Variants in DOCK1 observed in about 807,000 individuals in gnomAD.
DOCK1 encodes the protein dedicator of cytokinesis 1, also known as dedicator of cytokinesis protein 1.
In DOCK1, 138 loss-of-function variants were observed where a neutral mutation model predicts 262.7. The ratio of observed to expected loss-of-function variants is 0.53; its 90% confidence interval spans 0.46 to 0.61. The LOEUF is 0.61. Among genes scored for constraint, DOCK1 ranks in the 20% least tolerant of loss-of-function variants. The pLI is 0.00. For missense variants in DOCK1, 1,908 were observed against 2,370.7 expected, an observed-to-expected ratio of 0.80 and a Z score of 4.05; for synonymous variants, 866 against 867.4, an observed-to-expected ratio of 1.00 and a Z score of 0.03.
intron 29 of DOCK1, among the ~76,000 whole-genome samples, chr10:127,325,885 C>T (rs1324621736): frequency 6.6e-6 from 1 of 152,088 alleles, no homozygotes; most frequent in Non-Finnish European, 1.5e-5. Context: ...GGGTTCCCTA[C>T]CAGACCACCA....
intron 29 of DOCK1, among the ~76,000 whole-genome samples, chr10:127,327,755 A>G (rs1370861003): frequency 6.6e-6 from 1 of 152,180 alleles, no homozygotes; most frequent in African/African-American, 2.4e-5. Flanking sequence ...CAGCCTCTCT[A>G]TAGACACTGA....
intron 28 of DOCK1, among the ~76,000 whole-genome samples, chr10:127,248,436 CATTAACTCCTATTCATTTA>C: frequency 6.6e-6 from 1 of 152,246 alleles, no homozygotes; most frequent in South Asian, 2.1e-4. Context: ...GATAGTCTCC[CATTAACTCCTATTCATTTA>C]TTGGTTGACT....
chr10:127,076,806 G>T (rs1042934421), intron 23 of DOCK1, among the ~76,000 whole-genome samples: 2 of 152,172 alleles, frequency 1.3e-5, no homozygotes, highest in African/African-American at 2.4e-5. Context: ...CTACCCCAGG[G>T]CCTGTGCCTT....
intron 23 of DOCK1, among the ~76,000 whole-genome samples, chr10:127,065,033 G>A (rs769967864): frequency 5.9e-5 from 9 of 151,586 alleles, no homozygotes; most frequent in African/African-American, 1.2e-4. Context: ...TTTTTGAGAC[G>A]GAGACTCGCT....
intron 29 of DOCK1, among the ~76,000 whole-genome samples, chr10:127,264,676 T>C (rs77202381): frequency 6.6e-6 from 1 of 152,030 alleles, no homozygotes; most frequent in African/African-American, 2.4e-5. Context: ...TTTTTTTTTT[T>C]CCAAGACAGG....
chr10:127,429,928 C>T (rs1352860556), intron 47 of DOCK1, among the ~76,000 whole-genome samples: 1 of 152,258 alleles, frequency 6.6e-6, no homozygotes, highest in Non-Finnish European at 1.5e-5. Context: ...CTCACCAAAA[C>T]TTCATCTACC....
At chr10:126,928,768 G>T (rs2033966528) in intron 1 of DOCK1, among the ~76,000 whole-genome samples, 1 of 152,252 alleles carries the variant, frequency 6.6e-6, no homozygotes, top group South Asian at 2.1e-4. Flanking sequence ...AGGAGTGGAG[G>T]CTCTGGGGCA....
At chr10:127,424,131 C>T (rs73388642) in intron 46 of DOCK1, among the ~76,000 whole-genome samples, 3,164 of 152,118 alleles carry the variant, frequency 0.021, 118 homozygotes, top group African/African-American at 0.072. Context: ...ATCCTCTTAT[C>T]TTCTTTCATT....
intron 40 of DOCK1, among the ~76,000 whole-genome samples, chr10:127,407,231 G>A (rs2067568156): frequency 6.6e-6 from 1 of 152,076 alleles, no homozygotes; most frequent in South Asian, 2.1e-4. Flanking sequence ...CTTAGACTGG[G>A]TACTTTATAA....
rs192607573 is a variant in DOCK1 at position 127,373,906 on chromosome 10, A to G, written c.3518+40A>G. 148 of 1,571,680 alleles carry G rather than the reference A, an allele frequency of 9.4e-5. No individual in the cohort carries two copies. The East Asian group carries it at 3.1e-3, about 32-fold the overall frequency. Reference sequence around the variant, plus strand: ...GCAGTGGGATTTATGTCTGAGAGATACAGAGACAGAGAGACCGTAATTAGA... The same window carrying G: ...GCAGTGGGATTTATGTCTGAGAGATGCAGAGACAGAGAGACCGTAATTAGA... On this transcript the variant is annotated intron_variant, in intron 34 of 51. Coordinates refer to ENST00000623213, the MANE Select transcript of DOCK1 (RefSeq NM_001290223.2).
intron 43 of DOCK1, 56 bp downstream of exon 43, chr10:127,410,980 G>A (rs2067813232): frequency 4.5e-6 from 7 of 1,552,056 alleles, no homozygotes; most frequent in East Asian, 2.3e-5. Context: ...TCCGCCACCA[G>A]TAGAACTGCC....
chr10:127,262,671 T>C (rs1590186847), intron 29 of DOCK1, among the ~76,000 whole-genome samples: 1 of 152,334 alleles, frequency 6.6e-6, no homozygotes, highest in Admixed American at 6.5e-5. Context: ...CACCTTTGCT[T>C]CAATACCAGC....
At position 127,452,250 on chromosome 10, in the gene DOCK1, G is replaced by A. The variant is rs142691560; in HGVS notation, c.*823G>A. The A allele has an allele frequency of 0.018, 2,739 of 152,104 alleles. 30 individuals are homozygous for A. Among genetic ancestry groups the A allele is most frequent in the Non-Finnish European group, 0.028 (1,909 of 67,936 alleles). 9.4% of individuals were successfully genotyped at this position (152,104 alleles called of 1,614,324 possible). A position where few individuals can be genotyped will look rare whatever the true frequency, so the allele number is the denominator to read the frequency against. ...GGTCCTTCCGTTTATTATAATAGGC[G>A]TCCACCAATGATTATCCATATGTGT... On this transcript the variant is annotated 3_prime_UTR_variant, in exon 52 of 52. Transcript: ENST00000623213.
At chr10:127,093,219 T>TTTTC (rs1554883889) in intron 23 of DOCK1, among the ~76,000 whole-genome samples, 8 of 62,902 alleles carry the variant, frequency 1.3e-4, no homozygotes, top group Non-Finnish European at 2.0e-4. Flanking sequence ...TCTTTCTTTC[T>TTTTC]TTTCTTTCTT....
intron 25 of DOCK1, among the ~76,000 whole-genome samples, chr10:127,123,865 G>C (rs2049774300): frequency 6.6e-6 from 1 of 152,170 alleles, no homozygotes; most frequent in Admixed American, 6.5e-5. Context: ...AAGATGTGCA[G>C]CTCTTAGCAC....
intron 33 of DOCK1, among the ~76,000 whole-genome samples, chr10:127,362,848 C>CACACAT (rs1554956200): frequency 9.7e-5 from 1 of 10,260 alleles, no homozygotes; most frequent in Non-Finnish European, 2.1e-4. Flanking sequence ...CACACACACA[C>CACACAT]ACACATGTAC....
At chr10:127,285,872 T>C (rs1019440435) in intron 29 of DOCK1, among the ~76,000 whole-genome samples, 1 of 152,202 alleles carries the variant, frequency 6.6e-6, no homozygotes, top group African/African-American at 2.4e-5. Context: ...CTATCTGGGC[T>C]CCGTGAAACT....
chr10:127,192,969 T>G (rs1241074072), intron 27 of DOCK1, among the ~76,000 whole-genome samples: 1 of 152,196 alleles, frequency 6.6e-6, no homozygotes, highest in East Asian at 1.9e-4. Flanking sequence ...TTAGCTCCAG[T>G]ATTGGAATAA....
chr10:127,145,632 C>T (rs1467898562), intron 27 of DOCK1, among the ~76,000 whole-genome samples: 1 of 152,172 alleles, frequency 6.6e-6, no homozygotes, highest in Non-Finnish European at 1.5e-5. Flanking sequence ...CTGCCTGTCT[C>T]CTTTTGAAGA....
Sources: gnomAD v4.1 joint callset for allele counts (sites outside exome capture counted in the v4.1 genomes callset) on GRCh38, gnomAD v4.1.1 for gene constraint, MANE v1.5 for transcripts, NCBI Gene and HGNC (gene_info 2026-07-23, HGNC 2026-07-21) for gene names.